The following ADGRF1 variants were observed in gnomAD, a reference collection of about 807,000 sequenced individuals.
ADGRF1 encodes the protein adhesion G protein-coupled receptor F1.
A neutral mutation model predicts 87.2 loss-of-function variants in ADGRF1; 85 were observed. The ratio of observed to expected loss-of-function variants is 0.97; its 90% CI spans 0.82 to 1.17. The LOEUF is 1.17. Ranked by LOEUF, ADGRF1 falls within the 50% of genes most tolerant of loss-of-function variation. ADGRF1 has a pLI of 0.00. For synonymous variants in ADGRF1, 430 were observed against 408.8 expected (o/e 1.05, Z -0.63); for missense variants, 1,169 against 1,077.2 (o/e 1.09, Z -1.19).
At chr6:47,014,244 T>C (rs1779794875) in intron 9 of ADGRF1, 2 of 986,186 alleles carry the variant, frequency 2.0e-6, no homozygotes, top group African/African-American at 3.5e-5. Flanking sequence ...TTTATATGGT[T>C]CACCTTTGTC....
rs375774994 is a variant in ADGRF1, at chr6:47,007,279, A to C, written c.2506T>G (p.Cys836Gly). ...LNAFQGFFIL[C>G]FGILLDSKLR... ...TTACTGTCCAAGAGTATTCCAAAGCATAAGATAAAAAATCCCTTTAAAAAG... is the reference window on the plus strand; with the variant it reads ...TTACTGTCCAAGAGTATTCCAAAGCCTAAGATAAAAAATCCCTTTAAAAAG... The change falls in exon 12 of 15, where the codon TGC (cysteine) becomes GGC (glycine). Residue 836 changes from cysteine (C) to glycine (G), a missense_variant. By Grantham distance (159) the Cys-to-Gly change is radical (BLOSUM62 -3). Coordinates refer to ENST00000371253, the MANE Select transcript of ADGRF1 (RefSeq NM_153840.4). The C allele has an allele frequency of 4.5e-6, 7 of 1,548,210 alleles. No homozygotes were observed. The highest frequency in any genetic ancestry group is 2.7e-5 in the African/African-American group (2 of 73,574).
chr6:47,041,204 C>A (rs1780733702), intron 1 of ADGRF1, among the ~76,000 whole-genome samples: 1 of 152,174 alleles, frequency 6.6e-6, no homozygotes, highest in African/African-American at 2.4e-5. Flanking sequence ...ACACTGTTGT[C>A]AATTTGGGTT....
At chr6:47,013,423 G>T (rs1779767016) in intron 9 of ADGRF1, 1 of 985,314 alleles carries the variant, frequency 1.0e-6, no homozygotes, top group African/African-American at 1.7e-5. Context: ...ACAGTCCTCT[G>T]ATGAATACTA....
chr6:47,022,868 C>T (rs189124566), intron 5 of ADGRF1, among the ~76,000 whole-genome samples: 29 of 146,680 alleles, frequency 2.0e-4, no homozygotes, highest in African/African-American at 6.6e-4. Context: ...TGCAGTGGCA[C>T]GATCTTGGCT....
At position 47,009,292 on chromosome 6, in the gene ADGRF1, C is replaced by T; in HGVS notation, c.2143G>A (p.Val715Ile). 1 of 1,614,134 alleles carries T rather than the reference C, an allele frequency of 6.2e-7. No homozygotes were observed. The highest frequency in any genetic ancestry group is 1.3e-5 in the African/African-American group (1 of 75,042). ...GGTTGCGTGACAGCAATGGTAATGA[C>T]AGATATAATGAGAGGGCACCCATAA... ...LGYGCPLIIS[V>I]ITIAVTQPSN... Residue 715 changes from valine to isoleucine, a missense_variant, in exon 11 of 15, where the codon GTC (valine) becomes ATC (isoleucine). Val to Ile is a conservative substitution (Grantham distance 29). Transcript: ENST00000371253.
chr6:47,000,693 C>T (rs62401798), intron 14 of ADGRF1, among the ~76,000 whole-genome samples: 1 of 152,126 alleles, frequency 6.6e-6, no homozygotes, highest in Non-Finnish European at 1.5e-5. Context: ...CAACAGAACC[C>T]AAGGGTCCGG....
chr6:47,020,493 A>T (rs1780013968), intron 7 of ADGRF1: 1 of 1,473,044 alleles, frequency 6.8e-7, no homozygotes, highest in Non-Finnish European at 9.1e-7. Flanking sequence ...GACAAGAGTG[A>T]CATTCTGTCA....
chr6:47,000,659 G>C (rs571179979), intron 14 of ADGRF1, among the ~76,000 whole-genome samples: 1 of 152,260 alleles, frequency 6.6e-6, no homozygotes, highest in South Asian at 2.1e-4. Context: ...GTAAAAAAGC[G>C]CTCAAGCTGA....
chr6:47,009,172 C>T lies in ADGRF1; in HGVS notation c.2263G>A (p.Val755Met). ...LAFVVPALAI[V>M]AVNFVVVLLV... ...AGCACCACAACGAAGTTCACAGCCA[C>T]AATAGCCAGTGCAGGGACAACAAAA... Residue 755 changes from valine (V) to methionine (M), a missense_variant, in exon 11 of 15, where the codon GTG becomes ATG. By Grantham distance (21) the Val-to-Met change is conservative. Coordinates refer to ENST00000371253, the MANE Select transcript of ADGRF1 (RefSeq NM_153840.4). 2 of 1,614,190 alleles carry T rather than the reference C, an allele frequency of 1.2e-6. No individual in the cohort carries two copies. Among genetic ancestry groups the T allele is most frequent in the South Asian group, 1.1e-5 (1 of 91,082 alleles).
intron 1 of ADGRF1, among the ~76,000 whole-genome samples, chr6:47,038,684 C>T (rs1351702688): frequency 1.3e-5 from 2 of 152,106 alleles, no homozygotes; most frequent in African/African-American, 4.8e-5. Context: ...AGAATTTATT[C>T]CCCCTGTCTA....
chr6:47,024,584 G>A (rs941625464), intron 4 of ADGRF1, among the ~76,000 whole-genome samples: 2 of 152,210 alleles, frequency 1.3e-5, no homozygotes, highest in East Asian at 3.9e-4. Context: ...AAAGTGCTGG[G>A]ATTACAGGCG....
At chr6:47,011,259 AC>A (rs1779696182) in intron 10 of ADGRF1, among the ~76,000 whole-genome samples, 1 of 152,164 alleles carries the variant, frequency 6.6e-6, no homozygotes, top group African/African-American at 2.4e-5. Context: ...AGTTTAACTT[AC>A]TGATATTTAG....
At chr6:47,040,142 T>C (rs896268937) in intron 1 of ADGRF1, among the ~76,000 whole-genome samples, 1 of 151,852 alleles carries the variant, frequency 6.6e-6, no homozygotes, top group Non-Finnish European at 1.5e-5. Flanking sequence ...CTACAAGCTA[T>C]GGGTGTTCCC....
chr6:47,041,766 A>T (rs922633526), intron 1 of ADGRF1, among the ~76,000 whole-genome samples: 3 of 152,190 alleles, frequency 2.0e-5, no homozygotes, highest in African/African-American at 7.2e-5. Context: ...TAATTCTCTC[A>T]AGCATAATTT....
At chr6:47,012,989 G>T in intron 9 of ADGRF1, 1 of 800,446 alleles carries the variant, frequency 1.2e-6, no homozygotes, top group Non-Finnish European at 1.5e-6. Context: ...GGCCAGGCTG[G>T]TCTTGAACTC....
At position 47,009,253 on chromosome 6, in the gene ADGRF1, T is replaced by C. The variant is rs780231227; in HGVS notation, c.2182A>G (p.Lys728Glu). ...TTAAGCCAACACACATCTTTCCTTT[T>C]GTAGGTATTGCTAGGTTGCGTGACA... ...IAVTQPSNTY[K>E]RKDVCWLNWS... The change falls in exon 11 of 15, where the codon AAA (lysine) becomes GAA (glutamate). Residue 728 changes from lysine to glutamate, a missense_variant. Coordinates refer to ENST00000371253, the MANE Select transcript of ADGRF1 (RefSeq NM_153840.4). 1.9e-6 allele frequency: 3 copies of C among 1,614,048 alleles called. No homozygotes were observed. The highest frequency in any genetic ancestry group is 1.1e-5 in the South Asian group (1 of 91,086).
At chr6:47,016,951 T>C (rs1042281172) in intron 7 of ADGRF1, 183 bp from the exon 8 acceptor site, 5 of 437,944 alleles carry the variant, frequency 1.1e-5, no homozygotes, top group African/African-American at 6.3e-5. Context: ...ATATATATGA[T>C]ATATATATAT....
At chr6:47,004,851 T>A (rs996998597) in intron 13 of ADGRF1, among the ~76,000 whole-genome samples, 2 of 152,174 alleles carry the variant, frequency 1.3e-5, no homozygotes, top group African/African-American at 4.8e-5. Flanking sequence ...GATCACACAG[T>A]CAATTGGTTA....
At chr6:47,032,473 T>A (rs1780456824) in intron 1 of ADGRF1, among the ~76,000 whole-genome samples, 1 of 152,338 alleles carries the variant, frequency 6.6e-6, no homozygotes, top group South Asian at 2.1e-4. Flanking sequence ...GAAATTCAAA[T>A]TTAACTGGAC....
Sources: gnomAD v4.1 joint callset for allele counts (sites outside exome capture counted in the v4.1 genomes callset) on GRCh38, gnomAD v4.1.1 for gene constraint, MANE v1.5 for transcripts, NCBI Gene and HGNC (gene_info 2026-07-23, HGNC 2026-07-21) for gene names.